TLN2: variants seen among roughly 807,000 people sequenced by gnomAD.
The protein encoded by TLN2 is talin-2.
TLN2 carries 118 observed loss-of-function variants against 294.7 expected under a neutral mutation model. The ratio of observed to expected loss-of-function variants is 0.40; its 90% confidence interval spans 0.34 to 0.47. The LOEUF (loss-of-function observed/expected upper bound fraction) is 0.47. Ranked by LOEUF, TLN2 falls within the 20% of genes least tolerant of loss-of-function variation. The pLI is 0.84. For missense variants in TLN2, 3,083 were observed against 3,282.2 expected (o/e 0.94, Z 1.48); for synonymous variants, 1,431 against 1,304.5 (o/e 1.10, Z -2.09).
At position 62,806,851 on chromosome 15, in the gene TLN2, G is replaced by A. The variant is rs113529870; in HGVS notation, c.6663+1066G>A. On this transcript the variant is annotated intron_variant, in intron 51 of 58. Coordinates refer to ENST00000636159, the MANE Select transcript of TLN2 (RefSeq NM_015059.3). ...CAGCTCCTACAGCGTGGGGTCTCAG[G>A]GAGCAGAGCCATTCTTTGTGGTAAA... Among the ~76,000 whole-genome samples, 218 of 152,224 alleles carry A rather than the reference G, an allele frequency of 1.4e-3. 2 individuals are homozygous for A. The highest frequency in any genetic ancestry group is 5.2e-3 in the African/African-American group (214 of 41,532).
intron 28 of TLN2, among the ~76,000 whole-genome samples, chr15:62,730,123 G>A (rs2060642798): frequency 6.9e-6 from 1 of 145,022 alleles, no homozygotes; most frequent in African/African-American, 2.6e-5. Flanking sequence ...CTGCTTCCTG[G>A]GTTCAAGCAA....
chr15:62,754,745 A>C lies in TLN2; in HGVS notation c.4477-787A>C, dbSNP rs534714564. The C allele has an allele frequency of 3.3e-5, 5 of 152,412 alleles. No individual in the cohort carries two copies. In the East Asian group the frequency reaches 7.7e-4, roughly 24 times the overall value. The allele number at this position is 152,412 out of a possible 1,614,324, so 9.4% of individuals were successfully genotyped here. The stretch of plus-strand genomic sequence containing the variant: ...AGTCCTTACCCATCCAGCAAGGCCA[A>C]AGGGGTGTTACCAGCCTCAGCAAAG... On this transcript the variant is annotated intron_variant, in intron 36 of 58. Coordinates refer to ENST00000636159, the MANE Select transcript of TLN2 (RefSeq NM_015059.3).
chr15:62,459,427 A>G (rs1188495783), intron 1 of TLN2, among the ~76,000 whole-genome samples: 1 of 152,100 alleles, frequency 6.6e-6, no homozygotes, highest in Non-Finnish European at 1.5e-5. Context: ...TGTGTCTTAT[A>G]AATCAGTAAC....
chr15:62,580,983 A>G (rs1441142378), intron 1 of TLN2, among the ~76,000 whole-genome samples: 1 of 150,912 alleles, frequency 6.6e-6, no homozygotes, highest in South Asian at 2.1e-4. Flanking sequence ...TCCCAGGTCC[A>G]AGTGATTCTC....
chr15:62,524,882 T>C (rs1382909788), intron 1 of TLN2, among the ~76,000 whole-genome samples: 1 of 152,192 alleles, frequency 6.6e-6, no homozygotes, highest in Non-Finnish European at 1.5e-5. Context: ...ATTGAAAGGA[T>C]TTTGAAGTTG....
intron 52 of TLN2, among the ~76,000 whole-genome samples, chr15:62,815,671 A>G (rs2067054415): frequency 2.6e-5 from 4 of 152,176 alleles, no homozygotes. Flanking sequence ...ATCTAGAGCC[A>G]AGGATTCTTA....
chr15:62,656,002 G>A lies in TLN2; in HGVS notation c.576G>A (p.Thr192=), dbSNP rs1338733842. ...AACAAGGAGTAGATGAAAACGAAAC[G>A]TTGCTGCTTAGACGGAAGTTCTTTT... ...FREQGVDENE[T]LLLRRKFFYS... The change falls in exon 8 of 59, where the codon ACG becomes ACA. Residue 192 remains threonine, a synonymous_variant. Transcript: ENST00000636159. 16 of 1,614,018 alleles carry A rather than the reference G, an allele frequency of 9.9e-6. No homozygotes were observed. The highest frequency in any genetic ancestry group is 2.7e-5 in the African/African-American group (2 of 74,914).
rs1938263867 is a variant in TLN2, at chr15:62,526,270, T to C, written c.-237-63417T>C. Among the ~76,000 whole-genome samples the C allele has an allele frequency of 2.0e-5, 3 of 152,136 alleles. 1 individual carries two copies. In the South Asian group the frequency reaches 6.2e-4, roughly 32 times the overall value. ...TCAGCCTCCTGAGTAGCTGGGATTA[T>C]AGGCATGTGCCACCATGCCTGGCTA... On this transcript the variant is annotated intron_variant, in intron 1 of 58. Coordinates refer to ENST00000636159, the MANE Select transcript of TLN2 (RefSeq NM_015059.3).
intron 11 of TLN2, 63 bp from the exon 12 acceptor site, chr15:62,686,578 T>A (rs1203057551): frequency 1.9e-6 from 3 of 1,539,604 alleles, no homozygotes; most frequent in Non-Finnish European, 2.6e-6. Flanking sequence ...AAATCACTGA[T>A]TCCCTGGCAA....
At chr15:62,646,395 C>G (rs2051845889) in intron 3 of TLN2, among the ~76,000 whole-genome samples, 1 of 152,178 alleles carries the variant, frequency 6.6e-6, no homozygotes, top group Non-Finnish European at 1.5e-5. Flanking sequence ...CTCCTGAGTT[C>G]AAGTGATCCG....
At chr15:62,486,258 C>A (rs1240365054) in intron 1 of TLN2, among the ~76,000 whole-genome samples, 2 of 152,100 alleles carry the variant, frequency 1.3e-5, no homozygotes, top group Non-Finnish European at 2.9e-5. Context: ...TTCATAACCA[C>A]TGTTCAATTA....
chr15:62,465,373 C>T lies in TLN2; in HGVS notation c.-238+74688C>T, dbSNP rs530616096. Among the ~76,000 whole-genome samples, 21 of 152,120 alleles carry T rather than the reference C, an allele frequency of 1.4e-4. No individual in the cohort carries two copies. The East Asian group carries it at 1.5e-3, about 11-fold the overall frequency. ...GCGGCTGGGGAAGTGGTTCTGTCTC[C>T]GACTCTTTCAGAGAACGAGTGTGAT... On this transcript the variant is annotated intron_variant, in intron 1 of 58. Transcript: ENST00000636159.
intron 1 of TLN2, among the ~76,000 whole-genome samples, chr15:62,431,051 A>C (rs557667498): frequency 6.6e-6 from 1 of 152,258 alleles, no homozygotes; most frequent in Non-Finnish European, 1.5e-5. Context: ...TTCTTGTTAG[A>C]AATAATGACC....
chr15:62,587,546 A>T (rs187682410), intron 1 of TLN2, among the ~76,000 whole-genome samples: 1 of 152,338 alleles, frequency 6.6e-6, no homozygotes, highest in Admixed American at 6.5e-5. Flanking sequence ...TAGACCTCCA[A>T]CATTGTTTTC....
intron 18 of TLN2, among the ~76,000 whole-genome samples, 178 bp downstream of exon 18, chr15:62,702,378 G>A (rs1345272176): frequency 6.6e-6 from 1 of 152,210 alleles, no homozygotes. Flanking sequence ...TTCAGGAGTG[G>A]TTGAGCTCTT....
At chr15:62,719,065 C>G (rs970932881) in intron 24 of TLN2, among the ~76,000 whole-genome samples, 11 of 152,302 alleles carry the variant, frequency 7.2e-5, no homozygotes, top group Middle Eastern at 6.8e-3. Flanking sequence ...GGCCACAGTG[C>G]TGTGGCCTCT....
Position 62,392,615 on chromosome 15 carries a change from A to G in TLN2, c.-238+1930A>G, listed in dbSNP as rs371753531. Among the ~76,000 whole-genome samples the G allele has an allele frequency of 4.0e-4, 61 of 152,294 alleles. 1 individual carries two copies. The highest frequency in any genetic ancestry group is 3.4e-3 in the Middle Eastern group (1 of 294). ...GGGACAGGGCACGGGCGTGTTTGCC[A>G]ACCTACAGGCAGCCAATTGCAGGAA... is the stretch of plus-strand genomic sequence containing the variant. On this transcript the variant is annotated intron_variant, in intron 1 of 58. Coordinates refer to ENST00000636159, the MANE Select transcript of TLN2 (RefSeq NM_015059.3).
rs1364749523 is a variant in TLN2, at chr15:62,587,258, CCTTAA to C, written c.-237-2425_-237-2421del. Among the ~76,000 whole-genome samples the C allele has an allele frequency of 1.1e-3, 161 of 152,302 alleles. 2 individuals are homozygous for C. The highest frequency in any genetic ancestry group is 2.2e-4 in the Non-Finnish European group (15 of 68,030). On this transcript the variant is annotated intron_variant, in intron 1 of 58. Transcript: ENST00000636159. ...AGAGTGGACATTGATATCGTGTATTCCTTAACTTCAACACGAGATTTTAAAAGTTA... is the reference window on the plus strand; with the variant it reads ...AGAGTGGACATTGATATCGTGTATTCCTTCAACACGAGATTTTAAAAGTTA...
intron 44 of TLN2, 113 bp downstream of exon 44, chr15:62,781,354 A>G (rs1464322850): frequency 2.7e-6 from 2 of 752,612 alleles, no homozygotes; most frequent in Admixed American, 2.3e-5. Flanking sequence ...ACCACTCTCT[A>G]GTCCCTCAGG....
Sources: gnomAD v4.1 joint callset for allele counts (sites outside exome capture counted in the v4.1 genomes callset) on GRCh38, gnomAD v4.1.1 for gene constraint, MANE v1.5 for transcripts, NCBI Gene and HGNC (gene_info 2026-07-23, HGNC 2026-07-21) for gene names.